The following DMD variants were observed in gnomAD, a reference collection of about 807,000 sequenced individuals.
The protein encoded by DMD is mutant dystrophin.
In DMD, 63 loss-of-function variants were observed where a neutral mutation model predicts 330.1. That is an observed-to-expected ratio of 0.19 (90% CI 0.16 to 0.24). DMD has a LOEUF of 0.24. Ranked by LOEUF, DMD falls within the 10% of genes least tolerant of loss-of-function variation. The probability of loss-of-function intolerance (pLI) is 1.00; values close to 1 mark genes in which losing one functional copy is unlikely to be tolerated. For missense variants in DMD, 3,344 were observed against 2,684.1 expected (o/e 1.25, Z -5.43); for synonymous variants, 1,223 against 959.8 (o/e 1.27, Z -5.07).
intron 30 of DMD, among the ~76,000 whole-genome samples, chrX:32,410,180 T>A (rs2147916099): frequency 9.0e-6 from 1 of 110,848 alleles, no homozygotes; most frequent in Admixed American, 9.7e-5. Context: ...AAAAATTGAA[T>A]CCTCAAGTAT....
intron 62 of DMD, among the ~76,000 whole-genome samples, chrX:31,263,827 AAAGGGTGTGACT>A (rs2050756854): frequency 8.9e-6 from 1 of 112,981 alleles, no homozygotes; most frequent in African/African-American, 3.2e-5. Flanking sequence ...AGAAAAGAAT[AAAGGGTGTGACT>A]AATTCTTAAA....
chrX:32,408,473 TC>T (rs1180663446), intron 30 of DMD, among the ~76,000 whole-genome samples: 2 of 111,800 alleles, frequency 1.8e-5, no homozygotes, highest in Non-Finnish European at 3.8e-5. Flanking sequence ...AGTATGCATT[TC>T]CTTAGTGCCA....
rs1410864240 is a variant in DMD at position 31,263,632 on chromosome X, A to G, written c.9225-2616T>C. On this transcript the variant is annotated intron_variant, in intron 62 of 78. Transcript: ENST00000357033. ...TGTGATTCTGGGGGACTTGAATAAC[A>G]TAGATAAATGAACTCCTCAAACAAT... 1.8e-5 allele frequency among the ~76,000 whole-genome samples: 2 copies of G among 111,845 alleles called. 1 individual carries two copies. Among genetic ancestry groups the G allele is most frequent in the Non-Finnish European group, 3.8e-5 (2 of 53,159 alleles).
At chrX:32,052,275 T>C (rs1420425784) in intron 44 of DMD, among the ~76,000 whole-genome samples, 4 of 109,354 alleles carry the variant, frequency 3.7e-5, no homozygotes, top group Non-Finnish European at 7.6e-5. Context: ...TTTTTTTTTT[T>C]ACTTAGTTTC....
chrX:32,265,174 G>A (rs942376752), intron 43 of DMD, among the ~76,000 whole-genome samples: 2 of 111,671 alleles, frequency 1.8e-5, no homozygotes, highest in Non-Finnish European at 3.8e-5. Context: ...CGGGCCCAGA[G>A]CCCCCCTGCT....
At chrX:32,729,005 A>C (rs1730214352) in intron 7 of DMD, among the ~76,000 whole-genome samples, 1 of 112,200 alleles carries the variant, frequency 8.9e-6, no homozygotes, top group African/African-American at 3.2e-5. Flanking sequence ...TTATGAACAA[A>C]GAAGTCAGCA....
At chrX:31,370,262 G>A (rs1484016369) in intron 60 of DMD, among the ~76,000 whole-genome samples, 1 of 111,460 alleles carries the variant, frequency 9.0e-6, no homozygotes, top group Non-Finnish European at 1.9e-5. Context: ...AAGATGAAAA[G>A]ATGAGAGAGA....
chrX:32,425,600 G>A (rs776060830), intron 29 of DMD, among the ~76,000 whole-genome samples: 1 of 110,348 alleles, frequency 9.1e-6, no homozygotes, highest in African/African-American at 3.3e-5. Context: ...GTCTCTATTT[G>A]CCCTGCTCAT....
At chrX:32,902,158 A>AACACACACAC (rs774414536) in intron 2 of DMD, among the ~76,000 whole-genome samples, 1,400 of 86,612 alleles carry the variant, frequency 0.016, 38 homozygotes, top group Admixed American at 0.044. Flanking sequence ...CACACACACA[A>AACACACACAC]ACACACACAC....
intron 2 of DMD, among the ~76,000 whole-genome samples, chrX:32,996,478 A>T (rs2093122700): frequency 9.0e-6 from 1 of 111,666 alleles, no homozygotes; most frequent in South Asian, 3.7e-4. Context: ...TGCCCTGCCA[A>T]CTGTAGGAGA....
At chrX:32,221,332 G>T (rs2097131215) in intron 43 of DMD, among the ~76,000 whole-genome samples, 1 of 75,843 alleles carries the variant, frequency 1.3e-5, no homozygotes, top group Admixed American at 1.6e-4. Context: ...CGTGTCTCAT[G>T]GTCCAAACTG....
At chrX:32,659,511 G>A (rs1483498145) in intron 9 of DMD, among the ~76,000 whole-genome samples, 2 of 110,657 alleles carry the variant, frequency 1.8e-5, no homozygotes, top group African/African-American at 6.6e-5. Context: ...TTATAAGGGT[G>A]TGATTGTGGA....
chrX:31,599,540 G>A (rs921214162), intron 55 of DMD, among the ~76,000 whole-genome samples: 1 of 112,214 alleles, frequency 8.9e-6, no homozygotes, highest in Non-Finnish European at 1.9e-5. Flanking sequence ...CCCTATTCAT[G>A]GAGAGGATAT....
chrX:32,362,668 G>T, intron 37 of DMD, 120 bp downstream of exon 37: 11 of 747,321 alleles, frequency 1.5e-5, no homozygotes, highest in East Asian at 3.4e-5. Flanking sequence ...AATACATTTT[G>T]GCATTCATTT....
At chrX:32,197,619 T>A (rs1048447468) in intron 44 of DMD, among the ~76,000 whole-genome samples, 7 of 112,065 alleles carry the variant, frequency 6.2e-5, no homozygotes, top group African/African-American at 2.3e-4. Flanking sequence ...ATTGGACATT[T>A]AATCTTTTAA....
chrX:32,990,655 A>G, intron 2 of DMD, among the ~76,000 whole-genome samples: 1 of 111,692 alleles, frequency 9.0e-6, no homozygotes, highest in East Asian at 2.8e-4. Flanking sequence ...CATAACTACA[A>G]CCACCTGAAC....
At chrX:31,351,188 A>C (rs1031158913) in intron 60 of DMD, among the ~76,000 whole-genome samples, 12 of 111,362 alleles carry the variant, frequency 1.1e-4, no homozygotes, top group African/African-American at 3.6e-4. Flanking sequence ...ACATATACAT[A>C]CATACATACA....
intron 78 of DMD, among the ~76,000 whole-genome samples, chrX:31,126,383 G>T (rs749446044): frequency 1.3e-3 from 150 of 111,572 alleles, no homozygotes; most frequent in Non-Finnish European, 2.5e-3. Flanking sequence ...CCAACCTAGG[G>T]ACTACAAAGG....
chrX:32,584,979 G>A (rs2054064243), intron 13 of DMD, among the ~76,000 whole-genome samples: 2 of 110,880 alleles, frequency 1.8e-5, no homozygotes. Flanking sequence ...ACAGATAACA[G>A]GTTATATATA....
Sources: allele counts gnomAD v4.1 joint callset (sites outside exome capture counted in the v4.1 genomes callset), GRCh38; gene constraint gnomAD v4.1.1; transcripts MANE v1.5; gene names NCBI Gene and HGNC (gene_info 2026-07-23, HGNC 2026-07-21).